BCKDHB: variants seen among roughly 807,000 people sequenced by gnomAD.
The protein encoded by BCKDHB is 2-oxoisovalerate dehydrogenase subunit beta, mitochondrial.
BCKDHB carries 41 observed loss-of-function variants against 48.5 expected under a neutral mutation model. That is an observed-to-expected ratio of 0.85 (90% CI 0.66 to 1.10). The LOEUF (loss-of-function observed/expected upper bound fraction) is 1.10. Ranked by LOEUF, BCKDHB falls within the 50% of genes least tolerant of loss-of-function variation. The pLI is 0.00. For missense variants in BCKDHB, 496 were observed against 494.2 expected (o/e 1.00, Z -0.03); for synonymous variants, 201 against 174.8 (o/e 1.15, Z -1.18).
intron 9 of BCKDHB, among the ~76,000 whole-genome samples, chr6:80,311,084 A>T (rs965050450): frequency 1.3e-5 from 2 of 152,190 alleles, no homozygotes; most frequent in African/African-American, 4.8e-5. Flanking sequence ...TAATTGAATC[A>T]TGGGGGCAGA....
chr6:80,357,779 C>T, the BCKDHB span, among the ~76,000 whole-genome samples: 1 of 152,174 alleles, frequency 6.6e-6, no homozygotes, highest in Non-Finnish European at 1.5e-5. Flanking sequence ...TGAAAGTCTT[C>T]AGTTTTCTGC....
chr6:80,275,589 T>C (rs1666137476), intron 9 of BCKDHB, among the ~76,000 whole-genome samples: 1 of 152,072 alleles, frequency 6.6e-6, no homozygotes, highest in South Asian at 2.1e-4. Context: ...TAGTAAAATT[T>C]AGTGAGCATG....
chr6:80,414,219 G>C, the BCKDHB span, among the ~76,000 whole-genome samples: 1 of 151,970 alleles, frequency 6.6e-6, no homozygotes, highest in African/African-American at 2.4e-5. Flanking sequence ...CAGATGCTTT[G>C]CAAATTTTTT....
At chr6:80,155,680 AAGAAC>A (rs1413711290) in intron 3 of BCKDHB, among the ~76,000 whole-genome samples, 11 of 152,178 alleles carry the variant, frequency 7.2e-5, no homozygotes, top group Admixed American at 7.2e-4. Flanking sequence ...AATTTACTTA[AAGAAC>A]ACGTTTTTAC....
At chr6:80,121,632 TG>T (rs1770025395) in intron 1 of BCKDHB, among the ~76,000 whole-genome samples, 1 of 152,232 alleles carries the variant, frequency 6.6e-6, no homozygotes, top group Non-Finnish European at 1.5e-5. Context: ...CAATTGTGAA[TG>T]GGAGTTCACT....
intron 6 of BCKDHB, among the ~76,000 whole-genome samples, chr6:80,179,745 G>A (rs1306281991): frequency 6.6e-6 from 1 of 152,098 alleles, no homozygotes; most frequent in African/African-American, 2.4e-5. Flanking sequence ...TTGCTTCTTT[G>A]AAAGTTATAA....
intron 8 of BCKDHB, among the ~76,000 whole-genome samples, chr6:80,250,841 A>G (rs1259016452): frequency 6.6e-6 from 1 of 152,176 alleles, no homozygotes; most frequent in Non-Finnish European, 1.5e-5. Context: ...TAACCTCTCT[A>G]GTCCTAACCC....
In BCKDHB at chr6:80,122,952, T is replaced by C. The variant is rs2127720614; in HGVS notation, c.197-4595T>C. 2.6e-5 allele frequency among the ~76,000 whole-genome samples: 4 copies of C among 152,016 alleles called. 1 individual carries two copies. The South Asian group carries it at 8.3e-4, about 32-fold the overall frequency. On this transcript the variant is annotated intron_variant, in intron 1 of 9. Coordinates refer to ENST00000320393, the MANE Select transcript of BCKDHB (RefSeq NM_183050.4). The stretch of plus-strand genomic sequence containing the variant: ...GACAGACGCTCCCAGAGCGGATGTT[T>C]ATAGGCCTTCCCCCCCTCCCCCCCG...
the BCKDHB span, among the ~76,000 whole-genome samples, chr6:80,362,758 C>A: frequency 2.0e-5 from 3 of 152,104 alleles, no homozygotes; most frequent in Admixed American, 2.0e-4. Context: ...ATCAAGTGGA[C>A]CTCACAGTTT....
rs371065809 is a variant in BCKDHB at position 80,138,442 on chromosome 6, C to T, written c.343+9213C>T. Among the ~76,000 whole-genome samples the T allele has an allele frequency of 5.1e-4, 78 of 152,092 alleles. 1 individual carries two copies. The South Asian group carries it at 0.01, about 20-fold the overall frequency. On this transcript the variant is annotated intron_variant, in intron 3 of 9. Coordinates refer to ENST00000320393, the MANE Select transcript of BCKDHB (RefSeq NM_183050.4). ...ATATCTCCCAATGCTATTCCTCCCCCGTCCCCCAACCCCACAACAGTCCCC... is the reference window on the plus strand; with the variant it reads ...ATATCTCCCAATGCTATTCCTCCCCTGTCCCCCAACCCCACAACAGTCCCC...
chr6:80,230,113 A>T lies in BCKDHB; in HGVS notation c.951+26901A>T, dbSNP rs1011544876. 7.3e-5 allele frequency among the ~76,000 whole-genome samples: 9 copies of T among 122,632 alleles called. No homozygotes were observed. In the Admixed American group the frequency reaches 9.5e-4, roughly 13 times the overall value. The allele number at this position is 122,632 out of a possible 152,430, so 80.5% of individuals were successfully genotyped here. Reference sequence around the variant, plus strand: ...GACTGCAGTGGCGCTATCCCGGCTCACTGCAAGCTCCGCCTCTTGGGTTCA... The same window carrying T: ...GACTGCAGTGGCGCTATCCCGGCTCTCTGCAAGCTCCGCCTCTTGGGTTCA... On this transcript the variant is annotated intron_variant, in intron 8 of 9. Coordinates refer to ENST00000320393, the MANE Select transcript of BCKDHB (RefSeq NM_183050.4).
intron 1 of BCKDHB, among the ~76,000 whole-genome samples, chr6:80,121,237 C>G (rs567482107): frequency 1.3e-5 from 2 of 152,224 alleles, no homozygotes; most frequent in East Asian, 3.9e-4. Context: ...TGTTTTGGTA[C>G]CAGTACCATG....
At chr6:80,362,086 G>A in the BCKDHB span, among the ~76,000 whole-genome samples, 7 of 152,124 alleles carry the variant, frequency 4.6e-5, no homozygotes, top group African/African-American at 1.7e-4. Context: ...CTGAGCTTTA[G>A]AGAAAGGAAG....
intron 9 of BCKDHB, among the ~76,000 whole-genome samples, chr6:80,315,560 A>G (rs1481290142): frequency 6.7e-6 from 1 of 149,890 alleles, no homozygotes; most frequent in African/African-American, 2.4e-5. Context: ...CACGCACTAC[A>G]GTTGCTTCTG....
chr6:80,462,522 G>A, the BCKDHB span, among the ~76,000 whole-genome samples: 1 of 152,200 alleles, frequency 6.6e-6, no homozygotes, highest in Non-Finnish European at 1.5e-5. Flanking sequence ...GGGAATGATA[G>A]AGAGATAATA....
intron 9 of BCKDHB, among the ~76,000 whole-genome samples, chr6:80,324,465 G>T (rs1231467171): frequency 6.6e-6 from 1 of 151,962 alleles, no homozygotes; most frequent in African/African-American, 2.4e-5. Flanking sequence ...GTAGTGAAAG[G>T]CAGAAAAGAG....
intron 8 of BCKDHB, among the ~76,000 whole-genome samples, chr6:80,215,753 T>G (rs909667530): frequency 6.6e-6 from 1 of 152,228 alleles, no homozygotes; most frequent in Non-Finnish European, 1.5e-5. Flanking sequence ...TATATACTTT[T>G]TGTTTTTTTG....
intron 9 of BCKDHB, among the ~76,000 whole-genome samples, chr6:80,325,782 A>C (rs982483467): frequency 2.6e-5 from 4 of 152,234 alleles, no homozygotes; most frequent in Non-Finnish European, 5.9e-5. Flanking sequence ...ATGAGCAAAA[A>C]TCTCATAACC....
At chr6:80,342,713 T>C (rs1769980308) in intron 9 of BCKDHB, among the ~76,000 whole-genome samples, 1 of 152,090 alleles carries the variant, frequency 6.6e-6, no homozygotes, top group Non-Finnish European at 1.5e-5. Context: ...TGCTTGAGTC[T>C]GGAAGATCGA....
Sources: gnomAD v4.1 joint callset for allele counts (sites outside exome capture counted in the v4.1 genomes callset) on GRCh38, gnomAD v4.1.1 for gene constraint, MANE v1.5 for transcripts, NCBI Gene and HGNC (gene_info 2026-07-23, HGNC 2026-07-21) for gene names.